The following SNX16 variants were observed in gnomAD, a reference collection of about 807,000 sequenced individuals.
SNX16 encodes the protein sorting nexin-16.
Under a neutral mutation model 36.7 loss-of-function variants are expected in SNX16, and 35 were observed. That is an observed-to-expected ratio of 0.95 (90% CI 0.73 to 1.27). The LOEUF (loss-of-function observed/expected upper bound fraction) is 1.27, where lower values mean the gene tolerates loss of function less well. Among genes scored for constraint, SNX16 ranks in the 50% most tolerant of loss-of-function variants. SNX16 has a pLI of 0.00. For missense variants in SNX16, 367 were observed against 393.6 expected (o/e 0.93, Z 0.57); for synonymous variants, 134 against 132.0 (o/e 1.02, Z -0.10).
At chr8:81,816,236 C>A (rs978573033) in intron 4 of SNX16, among the ~76,000 whole-genome samples, 2 of 145,736 alleles carry the variant, frequency 1.4e-5, no homozygotes, top group Non-Finnish European at 3.0e-5. Flanking sequence ...AGGCTGAAGT[C>A]TGGAGTGCAG....
intron 4 of SNX16, among the ~76,000 whole-genome samples, chr8:81,815,930 CCA>C (rs1454317337): frequency 6.6e-6 from 1 of 152,064 alleles, no homozygotes; most frequent in Non-Finnish European, 1.5e-5. Context: ...CTCTAAATGA[CCA>C]CAAATTTTAA....
At chr8:81,840,148 A>T in intron 1 of SNX16, 66 bp from the exon 2 acceptor site, 2 of 736,686 alleles carry the variant, frequency 2.7e-6, no homozygotes, top group Non-Finnish European at 4.2e-6. Context: ...AAAGAAAAGT[A>T]TTCTTTTCAA....
intron 5 of SNX16, among the ~76,000 whole-genome samples, chr8:81,805,699 C>T (rs1809901868): frequency 6.6e-6 from 1 of 152,206 alleles, no homozygotes; most frequent in East Asian, 1.9e-4. Context: ...GCGGGCAGAT[C>T]ACGAGGTCAG....
chr8:81,801,698 T>G, intron 7 of SNX16, 105 bp from the exon 8 acceptor site: 3 of 451,264 alleles, frequency 6.6e-6, no homozygotes, highest in Non-Finnish European at 7.7e-6. Context: ...TATAGAAAAT[T>G]TACATACTTA....
intron 3 of SNX16, 143 bp downstream of exon 3, chr8:81,829,287 T>TTTTAAAATTTTTTATAAAAATTTTTATC: frequency 3.2e-6 from 1 of 310,464 alleles, no homozygotes; most frequent in Non-Finnish European, 5.7e-6. Context: ...AAATTTTTAT[T>TTTTAAAATTTTTTATAAAAATTTTTATC]TTAAAAATTT....
At chr8:81,810,524 G>T (rs1810187783) in intron 5 of SNX16, among the ~76,000 whole-genome samples, 1 of 152,118 alleles carries the variant, frequency 6.6e-6, no homozygotes, top group African/African-American at 2.4e-5. Context: ...AGCAAACACA[G>T]AATTTCTTCA....
chr8:81,832,156 A>G (rs1175744887), intron 2 of SNX16, among the ~76,000 whole-genome samples: 1 of 152,220 alleles, frequency 6.6e-6, no homozygotes, highest in Non-Finnish European at 1.5e-5. Flanking sequence ...AAGACATGGA[A>G]TCATCCTAGC....
chr8:81,810,655 C>T (rs1189763978), intron 5 of SNX16, among the ~76,000 whole-genome samples: 1 of 152,032 alleles, frequency 6.6e-6, no homozygotes, highest in Admixed American at 6.6e-5. Context: ...CTTAATATTG[C>T]CTTGGTGACT....
At chr8:81,822,124 C>T (rs1458125184) in intron 4 of SNX16, among the ~76,000 whole-genome samples, 4 of 152,006 alleles carry the variant, frequency 2.6e-5, no homozygotes, top group African/African-American at 4.8e-5. Flanking sequence ...AGGGATGGTA[C>T]AGACTCTGTG....
intron 4 of SNX16, among the ~76,000 whole-genome samples, chr8:81,821,752 T>G (rs950269704): frequency 6.6e-6 from 1 of 152,078 alleles, no homozygotes; most frequent in African/African-American, 2.4e-5. Flanking sequence ...AGTTATATCA[T>G]TCACTCAAGA....
chr8:81,819,719 T>G, intron 4 of SNX16, among the ~76,000 whole-genome samples: 1 of 152,110 alleles, frequency 6.6e-6, no homozygotes, highest in Non-Finnish European at 1.5e-5. Flanking sequence ...ATAAAATCTC[T>G]AATAAATCTG....
At chr8:81,823,659 G>A in intron 4 of SNX16, 133 bp downstream of exon 4, 1 of 681,518 alleles carries the variant, frequency 1.5e-6, no homozygotes, top group Non-Finnish European at 2.3e-6. Flanking sequence ...GTAGTACTTT[G>A]TTAAAGAAGA....
rs1554546273 is a variant in SNX16, at chr8:81,822,962, A to ATATATATATATATGTATATG, written c.611+829_611+830insCATATACATATATATATATA. Among the ~76,000 whole-genome samples, 210 of 111,124 alleles carry ATATATATATATATGTATATG rather than the reference A, an allele frequency of 1.9e-3. 1 individual carries two copies. The highest frequency in any genetic ancestry group is 6.1e-3 in the African/African-American group (178 of 29,010). 72.9% of individuals were successfully genotyped at this position (111,124 alleles called of 152,430 possible). A position where few individuals can be genotyped will look rare whatever the true frequency, so the allele number is the denominator to read the frequency against. ...TATACATATACATATATATATATAT[A>ATATATATATATATGTATATG]TATATATATATATACACATATGTGT... On this transcript the variant is annotated intron_variant, in intron 4 of 7. Transcript: ENST00000345957.
At chr8:81,824,035 AT>A in intron 3 of SNX16, 95 bp from the exon 4 acceptor site, 1 of 1,138,072 alleles carries the variant, frequency 8.8e-7, no homozygotes, top group Non-Finnish European at 1.2e-6. Flanking sequence ...TATTCATGAA[AT>A]AAGTTTAAAA....
intron 3 of SNX16, among the ~76,000 whole-genome samples, chr8:81,826,827 G>A (rs1429345697): frequency 6.6e-6 from 1 of 152,042 alleles, no homozygotes; most frequent in Non-Finnish European, 1.5e-5. Flanking sequence ...TATATAACTG[G>A]GAAATGTAAA....
At chr8:81,823,023 T>C (rs1044328325) in intron 4 of SNX16, among the ~76,000 whole-genome samples, 1 of 148,686 alleles carries the variant, frequency 6.7e-6, no homozygotes, top group Admixed American at 6.8e-5. Flanking sequence ...ACGTGTGTCA[T>C]GCAGGAAAAA....
At chr8:81,838,719 G>A (rs1045175152) in intron 2 of SNX16, among the ~76,000 whole-genome samples, 4 of 151,864 alleles carry the variant, frequency 2.6e-5, no homozygotes, top group Admixed American at 6.6e-5. Context: ...CCTTGGAGTA[G>A]GCAAAGATTT....
chr8:81,806,619 T>G (rs1416347208), intron 5 of SNX16, among the ~76,000 whole-genome samples: 3 of 152,268 alleles, frequency 2.0e-5, no homozygotes, highest in East Asian at 3.9e-4. Flanking sequence ...AAAGTTAGGA[T>G]GAAAGGAAAA....
chr8:81,839,671 T>C lies in SNX16; in HGVS notation c.316A>G (p.Arg106Gly). 1.2e-6 allele frequency: 2 copies of C among 1,613,318 alleles called. No homozygotes were observed. The highest frequency in any genetic ancestry group is 1.3e-5 in the African/African-American group (1 of 74,814). The change falls in exon 2 of 8, where the codon AGA becomes GGA. Residue 106 changes from arginine to glycine, a missense_variant. Transcript: ENST00000345957. ...QNPETVNWED[R>G]PSTPTILGYE... ...CCCAGTATAGTAGGTGTAGATGGTC[T>C]ATCTTCCCAATTCACTGTTTCCGGA...
Sources: allele counts gnomAD v4.1 joint callset (sites outside exome capture counted in the v4.1 genomes callset), GRCh38; gene constraint gnomAD v4.1.1; transcripts MANE v1.5; gene names NCBI Gene and HGNC (gene_info 2026-07-23, HGNC 2026-07-21).